The following ARHGAP9 variants were observed in gnomAD, a reference collection of about 807,000 sequenced individuals.
ARHGAP9 encodes the protein rho GTPase-activating protein 9.
Under a neutral mutation model 87.3 loss-of-function variants are expected in ARHGAP9, and 76 were observed. That is an observed-to-expected ratio of 0.87 (90% CI 0.72 to 1.05). The LOEUF is 1.05. ARHGAP9 is among the 50% of genes least tolerant of loss of function. ARHGAP9 has a pLI of 0.00. For synonymous variants in ARHGAP9, 382 were observed against 394.9 expected (o/e 0.97, Z 0.39); for missense variants, 941 against 960.5 (o/e 0.98, Z 0.27).
At chr12:57,488,814 C>A in exon 1 of ARHGAP9, 1 of 820,134 alleles carries the variant, frequency 1.2e-6, no homozygotes. Flanking sequence ...TTGCTTCCAG[C>A]TGGCAGTTTC....
At chr12:57,478,931 C>T (rs979962932) in intron 2 of ARHGAP9, among the ~76,000 whole-genome samples, 160 bp downstream of exon 2, 2 of 152,064 alleles carry the variant, frequency 1.3e-5, no homozygotes, top group Non-Finnish European at 1.5e-5. Flanking sequence ...ATGAGGATGC[C>T]ATGGCGGGGG....
rs575049229 is a variant in ARHGAP9 at position 57,477,817 on chromosome 12, T to C, written c.535-137A>G. 1,651 of 1,509,466 alleles carry C rather than the reference T, an allele frequency of 1.1e-3. 2 individuals are homozygous for C. The highest frequency in any genetic ancestry group is 1.4e-3 in the Non-Finnish European group (1,545 of 1,132,908). 93.5% of individuals were successfully genotyped at this position (1,509,466 alleles called of 1,614,324 possible). A position where few individuals can be genotyped will look rare whatever the true frequency, so the allele number is the denominator to read the frequency against. The stretch of plus-strand genomic sequence containing the variant: ...TCTGGGCTGAGGTGACCCAGGGTAC[T>C]GGGGGAGAAACCTCAGGCCCCAGCT... On this transcript the variant is annotated intron_variant, in intron 3 of 17. Coordinates refer to ENST00000393791, the MANE Select transcript of ARHGAP9 (RefSeq NM_032496.4).
intron 16 of ARHGAP9, among the ~76,000 whole-genome samples, 153 bp downstream of exon 16, chr12:57,473,889 A>G (rs554505159): frequency 7.9e-5 from 12 of 152,318 alleles, no homozygotes; most frequent in African/African-American, 2.6e-4. Context: ...CTAAACATTC[A>G]CAAAAAAGCA....
exon 1 of ARHGAP9, chr12:57,488,810 C>G: frequency 1.2e-6 from 1 of 829,692 alleles, no homozygotes. Flanking sequence ...TCTGTTGCTT[C>G]CAGCTGGCAG....
At chr12:57,475,682 G>A in intron 10 of ARHGAP9, 67 bp from the exon 11 acceptor site, 1 of 1,575,000 alleles carries the variant, frequency 6.3e-7, no homozygotes, top group Non-Finnish European at 8.6e-7. Context: ...GCTGGACTCT[G>A]ACCCACTGCC....
intron 8 of ARHGAP9, 25 bp downstream of exon 8, chr12:57,476,339 T>G: frequency 1.9e-6 from 3 of 1,611,474 alleles, no homozygotes; most frequent in Non-Finnish European, 2.5e-6. Flanking sequence ...CCCGCACCCA[T>G]CCTGCGCCTC....
intron 1 of ARHGAP9, chr12:57,488,468 TC>T: frequency 8.3e-7 from 1 of 1,208,620 alleles, no homozygotes; most frequent in East Asian, 2.6e-5. Flanking sequence ...AAACTGCTCT[TC>T]CCTTCCCAAC....
intron 10 of ARHGAP9, 78 bp from the exon 11 acceptor site, chr12:57,475,693 G>A (rs2277317): frequency 0.66 from 1,024,958 of 1,562,296 alleles, 341,589 homozygotes; most frequent in African/African-American, 0.77. Context: ...ACCCACTGCC[G>A]GGGTCCCACA....
upstream of ARHGAP9, chr12:57,480,076 C>G (rs1162938618): frequency 1.0e-6 from 1 of 985,272 alleles, no homozygotes; most frequent in African/African-American, 1.7e-5. Context: ...TGAAATATCA[C>G]CACCCTCCCA....
chr12:57,487,569 C>A, intron 1 of ARHGAP9: 1 of 153,766 alleles, frequency 6.5e-6, no homozygotes, highest in Non-Finnish European at 1.5e-5. Flanking sequence ...CTGCTCTAGG[C>A]CGGGCGCAGT....
At chr12:57,488,422 C>T (rs1475617818) in intron 1 of ARHGAP9, 2 of 792,598 alleles carry the variant, frequency 2.5e-6, no homozygotes, top group African/African-American at 1.7e-5. Flanking sequence ...TCTCTCCTCC[C>T]CTCTTCCGTC....
upstream of ARHGAP9, among the ~76,000 whole-genome samples, chr12:57,482,244 A>AT (rs755969588): frequency 8.4e-4 from 122 of 145,606 alleles, no homozygotes; most frequent in South Asian, 1.7e-3. Flanking sequence ...TACAAAAAAA[A>AT]TTTTTTTTTT....
Position 57,476,174 on chromosome 12 carries a change from T to C in ARHGAP9, c.1117-8A>G. 6.5e-7 allele frequency: 1 copy of C among 1,535,620 alleles called. No homozygotes were observed. The stretch of plus-strand genomic sequence containing the variant: ...CCGGCTACCCGCTGGTCCCTGACAA[T>C]GAGGGAGGAAACTGAGGCCACGGTG... On this transcript the variant is annotated splice_polypyrimidine_tract_variant and splice_region_variant and intron_variant, in intron 8 of 17. Coordinates refer to ENST00000393791, the MANE Select transcript of ARHGAP9 (RefSeq NM_032496.4).
rs374272166 is a variant in ARHGAP9 at position 57,479,093 on chromosome 12, G to C, written c.314C>G (p.Pro105Arg). 1.9e-6 allele frequency: 3 copies of C among 1,613,944 alleles called. No homozygotes were observed. Among genetic ancestry groups the C allele is most frequent in the Admixed American group, 1.7e-5 (1 of 60,006 alleles). ...TVIPGQLLWT[P>R]GPKLFHGSLE... ...GAGAGGGCTTAGCGCTTACTCACCA[G>C]GAGTCCAGAGCAATTGGCCGGGGAT... Residue 105 changes from proline (P) to arginine (R), a missense_variant and splice_region_variant, in exon 2 of 18, where the codon CCT (proline) becomes CGT (arginine). Pro to Arg is a moderately radical substitution (Grantham distance 103). Transcript: ENST00000393791.
At chr12:57,479,448 G>T in intron 1 of ARHGAP9, 24 bp from the exon 2 acceptor site, 1 of 1,594,222 alleles carries the variant, frequency 6.3e-7, no homozygotes, top group Non-Finnish European at 8.5e-7. Context: ...GGACACTGGA[G>T]ACCCAGAAGG....
rs201937105 is a variant in ARHGAP9, at chr12:57,475,845, G to T, written c.1299C>A (p.Val433=). 2.5e-6 allele frequency: 4 copies of T among 1,613,838 alleles called. No homozygotes were observed. In the Admixed American group the frequency reaches 6.7e-5, roughly 27 times the overall value. Reference sequence around the variant, plus strand: ...CCACCCATCTAACCAGCCGCTCGATGACAGTCCGCAGCGCGCGGTGCCAGG... The same window carrying T: ...CCACCCATCTAACCAGCCGCTCGATTACAGTCCGCAGCGCGCGGTGCCAGG... ...LRAWHRALRT[V]IERLDRENPL... Residue 433 remains valine (V), a synonymous_variant, in exon 10 of 18, where the codon GTC becomes GTA. Coordinates refer to ENST00000393791, the MANE Select transcript of ARHGAP9 (RefSeq NM_032496.4).
upstream of ARHGAP9, among the ~76,000 whole-genome samples, chr12:57,482,713 T>C (rs577760318): frequency 6.6e-6 from 1 of 152,184 alleles, no homozygotes; most frequent in East Asian, 1.9e-4. Flanking sequence ...TCAAAATAAA[T>C]AAATAAAATA....
upstream of ARHGAP9, chr12:57,479,979 G>A: frequency 2.2e-6 from 3 of 1,354,320 alleles, no homozygotes; most frequent in Non-Finnish European, 2.8e-6. Flanking sequence ...AGAGAGACAT[G>A]GTGACAGAGA....
chr12:57,488,284 C>T, intron 1 of ARHGAP9: 1 of 1,310,492 alleles, frequency 7.6e-7, no homozygotes, highest in Non-Finnish European at 1.1e-6. Flanking sequence ...TTGCCAAACC[C>T]CTAGCCCTCG....
Sources: gnomAD v4.1 joint callset for allele counts (sites outside exome capture counted in the v4.1 genomes callset) on GRCh38, gnomAD v4.1.1 for gene constraint, MANE v1.5 for transcripts, NCBI Gene and HGNC (gene_info 2026-07-23, HGNC 2026-07-21) for gene names.